The following PITPNM2 variants were observed in gnomAD, a reference collection of about 807,000 sequenced individuals.
The protein encoded by PITPNM2 is membrane-associated phosphatidylinositol transfer protein 2.
Under a neutral mutation model 132.2 loss-of-function variants are expected in PITPNM2, and 35 were observed. That is an observed-to-expected ratio of 0.26 (90% CI 0.20 to 0.35). The LOEUF is 0.35. Ranked by LOEUF, PITPNM2 falls within the 10% of genes least tolerant of loss-of-function variation. PITPNM2 has a pLI of 1.00. For synonymous variants in PITPNM2, 738 were observed against 799.2 expected (o/e 0.92, Z 1.29); for missense variants, 1,332 against 1,912.0 (o/e 0.70, Z 5.66).
At chr12:123,137,905 A>AAG (rs1555300227) in intron 1 of PITPNM2, among the ~76,000 whole-genome samples, 2 of 150,086 alleles carry the variant, frequency 1.3e-5, no homozygotes, top group Non-Finnish European at 3.0e-5. Context: ...AAAAAAAAAA[A>AAG]AAGAAGAAGA....
intron 1 of PITPNM2, among the ~76,000 whole-genome samples, chr12:123,113,351 T>A (rs1194903297): frequency 7.2e-5 from 11 of 152,208 alleles, no homozygotes; most frequent in Non-Finnish European, 1.5e-4. Context: ...TTTGACTCCA[T>A]CTGGAGGCAT....
At chr12:123,017,059 G>GA (rs1215127011) in intron 3 of PITPNM2, among the ~76,000 whole-genome samples, 102 of 124,334 alleles carry the variant, frequency 8.2e-4, no homozygotes, top group African/African-American at 2.8e-3. Context: ...AAAAAAAAAA[G>GA]AAAAAAAAAG....
At chr12:123,094,525 C>T (rs2042354465) in intron 2 of PITPNM2, among the ~76,000 whole-genome samples, 1 of 152,232 alleles carries the variant, frequency 6.6e-6, no homozygotes, top group Non-Finnish European at 1.5e-5. Flanking sequence ...CCCAGGAAAG[C>T]GGACTTAGTC....
Position 123,136,169 on chromosome 12 carries a change from G to A in PITPNM2, c.-200+14584C>T, listed in dbSNP as rs1623129. On this transcript the variant is annotated intron_variant, in intron 1 of 25. Transcript: ENST00000320201. ...TACAAAAAATTAGCCAGGTGTGGTG[G>A]CAGTTACCTGTAGTCCCAGCTACTT... is the stretch of plus-strand genomic sequence containing the variant. Among the ~76,000 whole-genome samples the A allele has an allele frequency of 9.1e-3, 1,391 of 152,036 alleles. 102 individuals are homozygous for A. In the East Asian group the frequency reaches 0.21, roughly 22 times the overall value.
intron 3 of PITPNM2, among the ~76,000 whole-genome samples, chr12:123,020,352 C>A (rs1271548492): frequency 6.6e-6 from 1 of 152,056 alleles, no homozygotes; most frequent in Admixed American, 6.5e-5. Context: ...CACTCCTGAC[C>A]TCAAGTGATC....
chr12:123,135,390 C>G (rs1357582877), intron 1 of PITPNM2, among the ~76,000 whole-genome samples: 1 of 152,094 alleles, frequency 6.6e-6, no homozygotes, highest in Non-Finnish European at 1.5e-5. Flanking sequence ...TATGACCCCC[C>G]CCCTTAACAA....
rs2038231528 is a variant in PITPNM2, at chr12:122,992,423, A to C, written c.2404+76T>G. 20 of 1,480,398 alleles carry C rather than the reference A, an allele frequency of 1.4e-5. No individual in the cohort carries two copies. Among genetic ancestry groups the C allele is most frequent in the Non-Finnish European group, 1.7e-5 (19 of 1,104,690 alleles). 91.7% of individuals were successfully genotyped at this position (1,480,398 alleles called of 1,614,324 possible). On this transcript the variant is annotated intron_variant, in intron 16 of 25. Coordinates refer to ENST00000320201, the MANE Select transcript of PITPNM2 (RefSeq NM_020845.3). This position sits in a 1 kb window ranked among gnomAD's most constrained non-coding sequence, Gnocchi z 6.5. ...CTCACCTGGGGAAGAACCACGTAGC[A>C]TGGAGGACCTAGGAGCCAGGGAGCC...
chr12:123,068,498 T>TAAATAAATAAAA (rs1555294231), intron 2 of PITPNM2, among the ~76,000 whole-genome samples: 2 of 124,206 alleles, frequency 1.6e-5, no homozygotes, highest in African/African-American at 7.0e-5. Flanking sequence ...AATAAATAAA[T>TAAATAAATAAAA]AAAAATAATC....
intron 2 of PITPNM2, among the ~76,000 whole-genome samples, chr12:123,076,789 G>T (rs938611452): frequency 6.6e-6 from 1 of 152,228 alleles, no homozygotes; most frequent in Non-Finnish European, 1.5e-5. Flanking sequence ...AGATCAGAGA[G>T]GGGTTACTCT....
intron 2 of PITPNM2, among the ~76,000 whole-genome samples, chr12:123,102,644 C>A (rs2042590045): frequency 6.6e-6 from 1 of 152,170 alleles, no homozygotes; most frequent in Non-Finnish European, 1.5e-5. Flanking sequence ...GAGCTGGGAA[C>A]TTCACAGGTC....
intron 2 of PITPNM2, among the ~76,000 whole-genome samples, chr12:123,071,785 G>C (rs1222097063): frequency 1.3e-5 from 2 of 152,182 alleles, no homozygotes; most frequent in Admixed American, 1.3e-4. Context: ...CACACAATAG[G>C]AAACTGAGGT....
intron 4 of PITPNM2, 63 bp from the exon 5 acceptor site, chr12:123,012,797 G>T: frequency 6.3e-7 from 1 of 1,588,444 alleles, no homozygotes; most frequent in Non-Finnish European, 8.6e-7. Context: ...TCCTGGCCAG[G>T]GCCTGTTGAC....
intron 1 of PITPNM2, among the ~76,000 whole-genome samples, chr12:123,131,221 C>T (rs776013536): frequency 3.9e-5 from 6 of 152,120 alleles, no homozygotes; most frequent in Admixed American, 1.3e-4. Flanking sequence ...GTAGAGTGAG[C>T]CCTAAATCCA....
At position 123,012,548 on chromosome 12, in the gene PITPNM2, C is replaced by G. The variant is rs1448728904; in HGVS notation, c.415+65G>C. The G allele has an allele frequency of 4.4e-6, 7 of 1,584,448 alleles. No individual in the cohort carries two copies. The East Asian group carries it at 1.6e-4, about 36-fold the overall frequency. On this transcript the variant is annotated intron_variant, in intron 5 of 25. Coordinates refer to ENST00000320201, the MANE Select transcript of PITPNM2 (RefSeq NM_020845.3). Reference sequence around the variant, plus strand: ...CCAGGTGTGGGGAAAAGGGGCAGGACAAGAGGGACCTGTGGGTAGGAAACC... The same window carrying G: ...CCAGGTGTGGGGAAAAGGGGCAGGAGAAGAGGGACCTGTGGGTAGGAAACC...
chr12:122,994,865 G>C lies in PITPNM2; in HGVS notation c.2169C>G (p.Phe723Leu). 6.2e-7 allele frequency: 1 copy of C among 1,612,276 alleles called. No individual in the cohort carries two copies. Among genetic ancestry groups the C allele is most frequent in the Non-Finnish European group, 8.5e-7 (1 of 1,179,944 alleles). ...CCAGCCCCAGCGGGCACCCGAAGAG[G>C]AAGAGGTCGGTGATCTCAAAGTCAA... The part of the protein sequence containing the change: ...GRFDFEITDL[F>L]LFGCPLGLVL... The change falls in exon 15 of 26, where the codon TTC (phenylalanine) becomes TTG (leucine). Residue 723 changes from phenylalanine to leucine, a missense_variant. By Grantham distance (22) the Phe-to-Leu change is conservative. Coordinates refer to ENST00000320201, the MANE Select transcript of PITPNM2 (RefSeq NM_020845.3). The surrounding 1 kb of genome is among the most constrained non-coding windows in gnomAD (Gnocchi z 5.4).
In PITPNM2 at chr12:123,009,962, G is replaced by A. The variant is rs566277413; in HGVS notation, c.531C>T (p.Ile177=). 1.1e-5 allele frequency: 17 copies of A among 1,614,182 alleles called. No individual in the cohort carries two copies. The South Asian group carries it at 1.1e-4, about 10-fold the overall frequency. ...GGAAGACCTGCTTCTTGTACTCCTC[G>A]ATCCAGTTCTCGGACAGGGGCCCCC... is the stretch of plus-strand genomic sequence containing the variant. ...TQRGPLSENW[I]EEYKKQVFPI... Residue 177 remains isoleucine (I), a synonymous_variant, in exon 6 of 26, where the codon ATC becomes ATT. Transcript: ENST00000320201. This position sits in a 1 kb window ranked among gnomAD's most constrained non-coding sequence, Gnocchi z 4.8.
intron 2 of PITPNM2, among the ~76,000 whole-genome samples, chr12:123,037,598 C>A (rs1015597464): frequency 2.0e-5 from 3 of 152,132 alleles, no homozygotes; most frequent in African/African-American, 7.2e-5. Context: ...TCTTCAGAAA[C>A]CTTACGAGTC....
At chr12:123,021,507 A>G (rs2039670507) in intron 3 of PITPNM2, among the ~76,000 whole-genome samples, 1 of 151,956 alleles carries the variant, frequency 6.6e-6, no homozygotes, top group East Asian at 1.9e-4. Flanking sequence ...CTAGTTTTTT[A>G]TTTTTTTGTA....
intron 1 of PITPNM2, among the ~76,000 whole-genome samples, chr12:123,146,466 C>T (rs1186590816): frequency 3.3e-5 from 5 of 151,770 alleles, no homozygotes; most frequent in Non-Finnish European, 4.4e-5. Flanking sequence ...TGGTGGTGGG[C>T]GCCTGTAATC....
Sources: allele counts gnomAD v4.1 joint callset (sites outside exome capture counted in the v4.1 genomes callset), GRCh38; gene constraint gnomAD v4.1.1; non-coding constraint Gnocchi (gnomAD v3.1); transcripts MANE v1.5; gene names NCBI Gene and HGNC (gene_info 2026-07-23, HGNC 2026-07-21).